The following UBE2E2 variants were observed in gnomAD, a reference collection of about 807,000 sequenced individuals.
UBE2E2 encodes ubiquitin conjugating enzyme E2 E2.
A neutral mutation model predicts 24.7 loss-of-function variants in UBE2E2; 6 were observed. The observed-to-expected ratio is 0.24, with a 90% CI of 0.13 to 0.48. The LOEUF is 0.48. UBE2E2 is among the 20% of genes least tolerant of loss of function. UBE2E2 has a pLI of 0.99. For synonymous variants in UBE2E2, 104 were observed against 83.6 expected (o/e 1.24, Z -1.33); for missense variants, 169 against 245.0 (o/e 0.69, Z 2.07).
At chr3:23,573,355 C>T (rs550823293) in intron 5 of UBE2E2, among the ~76,000 whole-genome samples, 1 of 152,242 alleles carries the variant, frequency 6.6e-6, no homozygotes, top group South Asian at 2.1e-4. Context: ...GAAAGATGGA[C>T]TGCTTTGAAT....
intron 3 of UBE2E2, among the ~76,000 whole-genome samples, chr3:23,291,849 A>ATTTTTTTTTTTTTTTTTTTTT (rs57708620): frequency 1.6e-5 from 1 of 64,036 alleles, no homozygotes; most frequent in African/African-American, 7.1e-5. Context: ...TGCCCGGCTA[A>ATTTTTTTTTTTTTTTTTTTTT]TTTTTTTTTT....
intron 4 of UBE2E2, among the ~76,000 whole-genome samples, chr3:23,508,349 A>T (rs1334455945): frequency 6.6e-6 from 1 of 152,218 alleles, no homozygotes; most frequent in Admixed American, 6.5e-5. Context: ...TACCAACTTT[A>T]TTGTAAGCCA....
chr3:23,286,183 A>G (rs1698610753), intron 3 of UBE2E2, among the ~76,000 whole-genome samples: 1 of 152,082 alleles, frequency 6.6e-6, no homozygotes, highest in African/African-American at 2.4e-5. Flanking sequence ...ATTTGATGTG[A>G]TTCCATTTGC....
intron 3 of UBE2E2, among the ~76,000 whole-genome samples, chr3:23,281,751 A>T (rs1167064976): frequency 2.0e-5 from 3 of 152,248 alleles, no homozygotes; most frequent in Admixed American, 2.0e-4. Flanking sequence ...AATAGAAAAT[A>T]CTATTTCTGA....
chr3:23,520,653 T>A (rs1431042193), intron 4 of UBE2E2, among the ~76,000 whole-genome samples: 2 of 152,244 alleles, frequency 1.3e-5, no homozygotes, highest in African/African-American at 4.8e-5. Context: ...ACTATATTTT[T>A]ATTAGTTTTA....
intron 4 of UBE2E2, among the ~76,000 whole-genome samples, chr3:23,500,192 G>A (rs1025285434): frequency 3.3e-5 from 5 of 152,086 alleles, no homozygotes; most frequent in African/African-American, 7.2e-5. Flanking sequence ...TTTGAGTTTT[G>A]GTGCCTCTAG....
chr3:23,440,810 T>C (rs11129119), intron 3 of UBE2E2, among the ~76,000 whole-genome samples: 85,883 of 151,962 alleles, frequency 0.57, 24,723 homozygotes, highest in East Asian at 0.74. Flanking sequence ...AAAAGTGTCC[T>C]GAAGTCATTT....
intron 3 of UBE2E2, among the ~76,000 whole-genome samples, chr3:23,252,643 C>T (rs180788960): frequency 1.4e-4 from 22 of 152,264 alleles, no homozygotes; most frequent in Middle Eastern, 3.4e-3. Context: ...ATTACAGGCA[C>T]GTGCCGCCGC....
chr3:23,527,326 A>G (rs1692996103), intron 4 of UBE2E2, among the ~76,000 whole-genome samples: 2 of 152,354 alleles, frequency 1.3e-5, no homozygotes, highest in South Asian at 4.1e-4. Flanking sequence ...TCTGAGAGAT[A>G]TAAAAACTTA....
chr3:23,250,144 C>T (rs1002003222), intron 3 of UBE2E2, among the ~76,000 whole-genome samples: 1 of 152,088 alleles, frequency 6.6e-6, no homozygotes, highest in African/African-American at 2.4e-5. Flanking sequence ...TTACCACAAC[C>T]TTGCAGGTGA....
chr3:23,441,920 A>G (rs1243477461), intron 3 of UBE2E2, among the ~76,000 whole-genome samples: 6 of 152,162 alleles, frequency 3.9e-5, no homozygotes, highest in African/African-American at 7.2e-5. Context: ...AAGACGTTTC[A>G]TATTTATTTA....
At chr3:23,333,316 C>A (rs144951566) in intron 3 of UBE2E2, among the ~76,000 whole-genome samples, 2 of 152,258 alleles carry the variant, frequency 1.3e-5, no homozygotes, top group East Asian at 3.9e-4. Context: ...ATGTCTCTTT[C>A]GAAGGCTATA....
intron 3 of UBE2E2, among the ~76,000 whole-genome samples, chr3:23,360,054 G>T (rs1696068913): frequency 6.6e-6 from 1 of 152,074 alleles, no homozygotes. Flanking sequence ...GTTTTCCTTG[G>T]CAGTCTTCAG....
chr3:23,582,548 A>G lies in UBE2E2; in HGVS notation c.509-7186A>G, dbSNP rs80129631. Among the ~76,000 whole-genome samples the G allele has an allele frequency of 1.7e-4, 26 of 152,318 alleles. No individual in the cohort carries two copies. In the East Asian group the frequency reaches 4.8e-3, roughly 28 times the overall value. ...CAGTGTATAAGCATTCACTTTCTTC[A>G]TAACCTTTCCAGCATCTGTTATTTT... On this transcript the variant is annotated intron_variant, in intron 5 of 5. Transcript: ENST00000396703.
chr3:23,358,870 T>A (rs1466623258), intron 3 of UBE2E2, among the ~76,000 whole-genome samples: 4 of 152,250 alleles, frequency 2.6e-5, no homozygotes, highest in Non-Finnish European at 4.4e-5. Flanking sequence ...GTGTAGTATC[T>A]CCTTTGGTCC....
At chr3:23,401,663 C>A (rs1697225442) in intron 3 of UBE2E2, among the ~76,000 whole-genome samples, 1 of 151,948 alleles carries the variant, frequency 6.6e-6, no homozygotes, top group Non-Finnish European at 1.5e-5. Context: ...AGCCAGAGAA[C>A]TTCATTATAT....
intron 3 of UBE2E2, among the ~76,000 whole-genome samples, chr3:23,445,619 T>C (rs1396250173): frequency 6.6e-6 from 1 of 152,212 alleles, no homozygotes; most frequent in Non-Finnish European, 1.5e-5. Context: ...AAATCCTTTT[T>C]GCCTTGACAG....
chr3:23,552,168 C>T (rs865883399), intron 5 of UBE2E2, among the ~76,000 whole-genome samples: 8 of 152,066 alleles, frequency 5.3e-5, no homozygotes, highest in African/African-American at 1.9e-4. Flanking sequence ...TATGGCCACC[C>T]GGGCAGACTA....
chr3:23,246,008 A>G (rs1201717855), intron 3 of UBE2E2, among the ~76,000 whole-genome samples: 1 of 152,138 alleles, frequency 6.6e-6, no homozygotes, highest in Non-Finnish European at 1.5e-5. Context: ...GCTACCCATA[A>G]GTTGTTGAAA....
Sources: gnomAD v4.1 joint callset for allele counts (sites outside exome capture counted in the v4.1 genomes callset) on GRCh38, gnomAD v4.1.1 for gene constraint, MANE v1.5 for transcripts, NCBI Gene and HGNC (gene_info 2026-07-23, HGNC 2026-07-21) for gene names.